The following RPL23 variants were observed in gnomAD, a reference collection of about 807,000 sequenced individuals.
RPL23 encodes ribosomal protein L23.
For missense variants in RPL23, 79 were observed against 178.8 expected (o/e 0.44, Z 3.18); for synonymous variants, 63 against 65.3 (o/e 0.97, Z 0.17).
intron 3 of RPL23, chr17:38,852,339 T>C: frequency 2.5e-6 from 1 of 407,890 alleles, no homozygotes; most frequent in South Asian, 3.3e-5. Context: ...CACTCCAGTA[T>C]GGGCTGGGCG....
At chr17:38,852,907 T>C (rs750437159) in intron 2 of RPL23, 115 bp downstream of exon 2, 1 of 1,367,722 alleles carries the variant, frequency 7.3e-7, no homozygotes, top group East Asian at 2.3e-5. Context: ...TGTTGCCACT[T>C]CACCCAAAAG....
At position 38,848,103 on chromosome 17, in the gene RPL23, T is replaced by A; in HGVS notation, c.*2029A>T. 1 of 1,514,642 alleles carries A rather than the reference T, an allele frequency of 6.6e-7. No individual in the cohort carries two copies. The allele number at this position is 1,514,642 out of a possible 1,614,324, so 93.8% of individuals were successfully genotyped here. ...TTCAAAAACAGCAGCGATTAGTGGT[T>A]AATATATAAGGATCATATATTGCCA... On this transcript the variant is annotated 3_prime_UTR_variant, in exon 5 of 5. Coordinates refer to ENST00000479035, the MANE Select transcript of RPL23 (RefSeq NM_000978.4).
rs867947497 is a variant in RPL23 at position 38,853,269 on chromosome 17, C to T, written c.14-164G>A. 12 of 664,468 alleles carry T rather than the reference C, an allele frequency of 1.8e-5. No homozygotes were observed. The Middle Eastern group carries it at 9.9e-4, about 55-fold the overall frequency. The allele number at this position is 664,468 out of a possible 1,614,324, so 41.2% of individuals were successfully genotyped here. Reference sequence around the variant, plus strand: ...TTACTTATGCCGTCCCCATGTGCCACCCGATTCTCACGGAAAGTAGCCTAT... The same window carrying T: ...TTACTTATGCCGTCCCCATGTGCCATCCGATTCTCACGGAAAGTAGCCTAT... On this transcript the variant is annotated intron_variant, in intron 1 of 4. Coordinates refer to ENST00000479035, the MANE Select transcript of RPL23 (RefSeq NM_000978.4).
rs187374217 is a variant in RPL23, at chr17:38,853,204, C to A, written c.14-99G>T. On this transcript the variant is annotated intron_variant, in intron 1 of 4. Transcript: ENST00000479035. ...CTCAAGCTGTAATTCACCGCACATG[C>A]TTTGATAGACTGTACGCTATAGATT... The A allele has an allele frequency of 4.1e-5, 36 of 874,256 alleles. No individual in the cohort carries two copies. In the Admixed American group the frequency reaches 4.7e-4, roughly 11 times the overall value. 54.2% of individuals were successfully genotyped at this position (874,256 alleles called of 1,614,324 possible).
In RPL23 at chr17:38,853,347, C is replaced by T. The variant is rs1913061274; in HGVS notation, c.14-242G>A. On this transcript the variant is annotated intron_variant, in intron 1 of 4. Coordinates refer to ENST00000479035, the MANE Select transcript of RPL23 (RefSeq NM_000978.4). Reference sequence around the variant, plus strand: ...AATTAAGAAACCTAGACGACTCAACCCTTGCTCTAACTTTCGCAAAACGCA... The same window carrying T: ...AATTAAGAAACCTAGACGACTCAACTCTTGCTCTAACTTTCGCAAAACGCA... 4 of 690,872 alleles carry T rather than the reference C, an allele frequency of 5.8e-6. No individual in the cohort carries two copies. The Admixed American group carries it at 8.3e-5, about 14-fold the overall frequency. The allele number at this position is 690,872 out of a possible 1,614,324, so 42.8% of individuals were successfully genotyped here. A position where few individuals can be genotyped will look rare whatever the true frequency, so the allele number is the denominator to read the frequency against.
chr17:38,847,913 TA>T lies in RPL23; in HGVS notation c.*2218del. ...CAAGTCAAAAAAAATCTCCAAAGAA[TA>T]AAATGTGAGGTGGGATGCAGTGGCT... On this transcript the variant is annotated 3_prime_UTR_variant, in exon 5 of 5. Coordinates refer to ENST00000479035, the MANE Select transcript of RPL23 (RefSeq NM_000978.4). 2 of 1,510,458 alleles carry T rather than the reference TA, an allele frequency of 1.3e-6. No homozygotes were observed. 93.6% of individuals were successfully genotyped at this position (1,510,458 alleles called of 1,614,324 possible). A position where few individuals can be genotyped will look rare whatever the true frequency, so the allele number is the denominator to read the frequency against.
At chr17:38,850,525 C>T in intron 3 of RPL23, 50 bp from the exon 4 acceptor site, 2 of 1,294,956 alleles carry the variant, frequency 1.5e-6, no homozygotes, top group Non-Finnish European at 2.2e-6. Flanking sequence ...AGTCGCAGTG[C>T]CACCACAAAA....
Position 38,852,754 on chromosome 17 carries a change from A to T in RPL23, c.98-22T>A, listed in dbSNP as rs189143553. On this transcript the variant is annotated intron_variant, in intron 2 of 4. Coordinates refer to ENST00000479035, the MANE Select transcript of RPL23 (RefSeq NM_000978.4). ...GCTCCTACAAAAGAATGTAAATAAA[A>T]ATAAAAAATGTTGAGGGCCATCAGG... 6.8e-6 allele frequency: 11 copies of T among 1,613,936 alleles called. No individual in the cohort carries two copies. The East Asian group carries it at 2.2e-4, about 33-fold the overall frequency.
rs1912924371 is a variant in RPL23, at chr17:38,848,835, C to T, written c.*1297G>A. 1 of 152,066 alleles carries T rather than the reference C, an allele frequency of 6.6e-6. No homozygotes were observed. The highest frequency in any genetic ancestry group is 2.1e-4 in the South Asian group (1 of 4,812). 9.4% of individuals were successfully genotyped at this position (152,066 alleles called of 1,614,324 possible). ...AACTTACAGGTAGAAACATTTATGG[C>T]TGAGTATTTGCAGATACAGATACAT... On this transcript the variant is annotated 3_prime_UTR_variant, in exon 5 of 5. Transcript: ENST00000479035.
rs1264126129 is a variant in RPL23, at chr17:38,850,105, T to C, written c.*27A>G. Reference sequence around the variant, plus strand: ...CTTTTTAATGGGTTTAGTTTTTTTTTTTATTTTTTACAAATATACTGGAGA... The same window carrying C: ...CTTTTTAATGGGTTTAGTTTTTTTTCTTATTTTTTACAAATATACTGGAGA... On this transcript the variant is annotated 3_prime_UTR_variant, in exon 5 of 5. Transcript: ENST00000479035. The C allele has an allele frequency of 6.5e-7, 1 of 1,532,210 alleles. No individual in the cohort carries two copies. Among genetic ancestry groups the C allele is most frequent in the East Asian group, 2.3e-5 (1 of 43,748 alleles). 94.9% of individuals were successfully genotyped at this position (1,532,210 alleles called of 1,614,324 possible). A position where few individuals can be genotyped will look rare whatever the true frequency, so the allele number is the denominator to read the frequency against.
At chr17:38,852,359 G>A in intron 3 of RPL23, 2 of 482,068 alleles carry the variant, frequency 4.1e-6, no homozygotes. Flanking sequence ...GACAGAGAGA[G>A]ACTCCATCTC....
Position 38,848,030 on chromosome 17 carries a change from G to A in RPL23, c.*2102C>T. ...TACAGTGAGCTTCAGTGGTGTTACT[G>A]CACTCCAGCCTGTGTGACAGAGCAA... On this transcript the variant is annotated 3_prime_UTR_variant, in exon 5 of 5. Coordinates refer to ENST00000479035, the MANE Select transcript of RPL23 (RefSeq NM_000978.4). 1.3e-6 allele frequency: 2 copies of A among 1,549,832 alleles called. No homozygotes were observed. Among genetic ancestry groups the A allele is most frequent in the East Asian group, 4.9e-5 (2 of 40,878 alleles).
At chr17:38,850,502 C>A in intron 3 of RPL23, 27 bp from the exon 4 acceptor site, 1 of 1,525,732 alleles carries the variant, frequency 6.6e-7, no homozygotes, top group South Asian at 1.1e-5. Context: ...GGACAGCAGT[C>A]ATTAACCTGT....
chr17:38,851,146 ATG>A (rs1912991452), intron 3 of RPL23: 2 of 152,244 alleles, frequency 1.3e-5, no homozygotes, highest in African/African-American at 4.8e-5. Flanking sequence ...GTGAAATATA[ATG>A]CTTGTGAAGA....
intron 1 of RPL23, chr17:38,853,392 A>G (rs1373859198): frequency 1.4e-6 from 1 of 711,314 alleles, no homozygotes; most frequent in African/African-American, 1.7e-5. Context: ...GCAAGGCATA[A>G]AACCGCAGAG....
rs889739137 is a variant in RPL23 at position 38,848,929 on chromosome 17, C to A, written c.*1203G>T. ...TCCAAATTATTGTTCTAAACAAACA[C>A]CCATTTTTCCAAAACGCTGGGTGTC... On this transcript the variant is annotated 3_prime_UTR_variant, in exon 5 of 5. Transcript: ENST00000479035. 1.3e-5 allele frequency: 2 copies of A among 152,150 alleles called. No individual in the cohort carries two copies. The highest frequency in any genetic ancestry group is 4.1e-4 in the South Asian group (2 of 4,830). The allele number at this position is 152,150 out of a possible 1,614,324, so 9.4% of individuals were successfully genotyped here.
Position 38,852,502 on chromosome 17 carries a change from T to G in RPL23, c.226+102A>C, listed in dbSNP as rs1331219709. 5.4e-6 allele frequency: 8 copies of G among 1,474,168 alleles called. No homozygotes were observed. The East Asian group carries it at 1.8e-4, about 34-fold the overall frequency. 91.3% of individuals were successfully genotyped at this position (1,474,168 alleles called of 1,614,324 possible). ...ATACTTATCTCACACTGCCTCTCAA[T>G]GGAAAACAAACTTGAGGCCTTGAAA... On this transcript the variant is annotated intron_variant, in intron 3 of 4. Coordinates refer to ENST00000479035, the MANE Select transcript of RPL23 (RefSeq NM_000978.4).
chr17:38,850,493 G>T lies in RPL23; in HGVS notation c.227-18C>A. On this transcript the variant is annotated intron_variant, in intron 3 of 4. Coordinates refer to ENST00000479035, the MANE Select transcript of RPL23 (RefSeq NM_000978.4). Reference sequence around the variant, plus strand: ...TGGATGTACTGAGAGAAGAAAAAAGGACAGCAGTCATTAACCTGTCAAGTC... The same window carrying T: ...TGGATGTACTGAGAGAAGAAAAAAGTACAGCAGTCATTAACCTGTCAAGTC... 6.4e-7 allele frequency: 1 copy of T among 1,570,746 alleles called. No homozygotes were observed. Among genetic ancestry groups the T allele is most frequent in the Non-Finnish European group, 8.8e-7 (1 of 1,140,928 alleles).
chr17:38,848,093 G>C lies in RPL23; in HGVS notation c.*2039C>G. 6.6e-7 allele frequency: 1 copy of C among 1,522,712 alleles called. No individual in the cohort carries two copies. The highest frequency in any genetic ancestry group is 8.8e-7 in the Non-Finnish European group (1 of 1,136,180). The allele number at this position is 1,522,712 out of a possible 1,614,324, so 94.3% of individuals were successfully genotyped here. ...AAAGATAACATTCAAAAACAGCAGC[G>C]ATTAGTGGTTAATATATAAGGATCA... is the stretch of plus-strand genomic sequence containing the variant. On this transcript the variant is annotated 3_prime_UTR_variant, in exon 5 of 5. Coordinates refer to ENST00000479035, the MANE Select transcript of RPL23 (RefSeq NM_000978.4).
Sources: gnomAD v4.1 joint callset for allele counts on GRCh38, gnomAD v4.1.1 for gene constraint, MANE v1.5 for transcripts, NCBI Gene and HGNC (gene_info 2026-07-23, HGNC 2026-07-21) for gene names.